PRICKLE2: variants seen among roughly 807,000 people sequenced by gnomAD.
PRICKLE2 encodes the protein prickle-like protein 2.
A neutral mutation model predicts 81.4 loss-of-function variants in PRICKLE2; 21 were observed. The observed-to-expected ratio is 0.26, with a 90% CI of 0.18 to 0.37. PRICKLE2 has a LOEUF of 0.37. Ranked by LOEUF, PRICKLE2 falls within the 10% of genes least tolerant of loss-of-function variation. The pLI, the probability that PRICKLE2 is intolerant of heterozygous loss-of-function variation, is 1.00. For synonymous variants in PRICKLE2, 456 were observed against 421.5 expected (o/e 1.08, Z -1.00); for missense variants, 940 against 1,109.0 (o/e 0.85, Z 2.16).
intron 7 of PRICKLE2, among the ~76,000 whole-genome samples, chr3:64,145,114 T>C (rs941234593): frequency 2.0e-4 from 27 of 133,380 alleles, no homozygotes; most frequent in African/African-American, 6.2e-4. Context: ...TTTTTTTTTT[T>C]CTAGAGACAG....
intron 1 of PRICKLE2, among the ~76,000 whole-genome samples, chr3:64,210,754 G>A (rs984194923): frequency 6.6e-6 from 1 of 152,112 alleles, no homozygotes; most frequent in Non-Finnish European, 1.5e-5. Context: ...AAGCCTCCTG[G>A]GTGACTTTGC....
chr3:64,201,886 C>T (rs760018738), intron 1 of PRICKLE2, among the ~76,000 whole-genome samples: 4 of 152,058 alleles, frequency 2.6e-5, no homozygotes, highest in Non-Finnish European at 5.9e-5. Context: ...ACATTTAGGT[C>T]TATGGTCCAT....
chr3:64,186,112 T>C (rs1025772405), intron 2 of PRICKLE2, among the ~76,000 whole-genome samples: 6 of 152,238 alleles, frequency 3.9e-5, no homozygotes, highest in Non-Finnish European at 8.8e-5. Flanking sequence ...AACAGTTCAT[T>C]CACTTTTATT....
At chr3:64,233,128 G>A (rs1046330346) in intron 2 of PRICKLE2, among the ~76,000 whole-genome samples, 5 of 152,090 alleles carry the variant, frequency 3.3e-5, no homozygotes, top group Admixed American at 6.5e-5. Context: ...GGCAAATCCC[G>A]TTAGCTCTAC....
intron 7 of PRICKLE2, among the ~76,000 whole-genome samples, chr3:64,106,298 A>G (rs2076754280): frequency 6.6e-6 from 1 of 152,224 alleles, no homozygotes; most frequent in Non-Finnish European, 1.5e-5. Context: ...TGCAATGGCC[A>G]GTGAACCAAA....
intron 1 of PRICKLE2, among the ~76,000 whole-genome samples, chr3:64,205,045 T>C (rs1049717671): frequency 1.1e-4 from 16 of 151,504 alleles, no homozygotes; most frequent in Non-Finnish European, 1.5e-5. Flanking sequence ...TGATTTGGCT[T>C]TTTTTTTAAA....
At chr3:64,265,620 T>C (rs704415) in intron 2 of PRICKLE2, among the ~76,000 whole-genome samples, 132,455 of 152,176 alleles carry the variant, frequency 0.87, 58,044 homozygotes, top group African/African-American at 0.91. Flanking sequence ...CTCAGTTGCC[T>C]CTTACCGTCT....
At chr3:64,120,636 G>C (rs1350855220) in intron 7 of PRICKLE2, among the ~76,000 whole-genome samples, 1 of 152,134 alleles carries the variant, frequency 6.6e-6, no homozygotes, top group Admixed American at 6.5e-5. Flanking sequence ...AGAAGATACT[G>C]GTCCACAGAC....
chr3:64,188,820 T>C (rs1480147761), intron 2 of PRICKLE2, among the ~76,000 whole-genome samples: 1 of 152,240 alleles, frequency 6.6e-6, no homozygotes, highest in Non-Finnish European at 1.5e-5. Context: ...AGTTGGGTAT[T>C]TGCCACTGAG....
At chr3:64,235,676 C>G (rs1483224484) in intron 2 of PRICKLE2, among the ~76,000 whole-genome samples, 1 of 152,098 alleles carries the variant, frequency 6.6e-6, no homozygotes, top group Non-Finnish European at 1.5e-5. Flanking sequence ...GATATCACAC[C>G]CAACAGTTAA....
Position 64,099,708 on chromosome 3 carries a change from G to A in PRICKLE2, c.1878C>T (p.Asn626=). Residue 626 remains asparagine (N), a synonymous_variant, in exon 8 of 8, where the codon AAC becomes AAT. Transcript: ENST00000638394. This position sits in a 1 kb window ranked among gnomAD's most constrained non-coding sequence, Gnocchi z 4.3. ...EMEGNLHQLS[N]PIGYRDLQSH... Reference sequence around the variant, plus strand: ...ACTGCAGGTCTCTGTAGCCAATGGGGTTGCTGAGCTGGTGGAGGTTTCCCT... The same window carrying A: ...ACTGCAGGTCTCTGTAGCCAATGGGATTGCTGAGCTGGTGGAGGTTTCCCT... 1 of 1,614,206 alleles carries A rather than the reference G, an allele frequency of 6.2e-7. No homozygotes were observed. The highest frequency in any genetic ancestry group is 1.1e-5 in the South Asian group (1 of 91,084).
At chr3:64,145,103 T>A (rs1489881436) in intron 7 of PRICKLE2, among the ~76,000 whole-genome samples, 1 of 148,260 alleles carries the variant, frequency 6.7e-6, no homozygotes, top group Non-Finnish European at 1.5e-5. Context: ...TTAAATTTTT[T>A]TTTTTTTTTT....
chr3:64,229,259 T>C (rs557674788), upstream of PRICKLE2, among the ~76,000 whole-genome samples: 1 of 152,246 alleles, frequency 6.6e-6, no homozygotes, highest in East Asian at 1.9e-4. Flanking sequence ...AAATCATCTT[T>C]CCATTCTAGC....
intron 1 of PRICKLE2, among the ~76,000 whole-genome samples, chr3:64,211,179 C>G (rs1400444088): frequency 6.6e-6 from 1 of 152,160 alleles, no homozygotes; most frequent in East Asian, 1.9e-4. Context: ...CAGGCTCAAC[C>G]AACAAGGTAG....
intron 2 of PRICKLE2, among the ~76,000 whole-genome samples, chr3:64,242,389 C>G (rs886309436): frequency 5.9e-5 from 9 of 152,168 alleles, no homozygotes; most frequent in African/African-American, 1.9e-4. Context: ...CTAATCACTT[C>G]CCAACCCCCT....
chr3:64,252,666 G>C (rs1049515208), intron 2 of PRICKLE2, among the ~76,000 whole-genome samples: 2 of 152,180 alleles, frequency 1.3e-5, no homozygotes, highest in African/African-American at 4.8e-5. Context: ...GAAGAGGCAT[G>C]GGAGTCAGGA....
intron 2 of PRICKLE2, among the ~76,000 whole-genome samples, chr3:64,188,363 GC>G (rs748387050): frequency 8.5e-5 from 13 of 152,172 alleles, no homozygotes; most frequent in Non-Finnish European, 1.5e-4. Context: ...TAGCAATGTG[GC>G]TTTTCCATTA....
chr3:64,148,203 A>T (rs1379932089), intron 6 of PRICKLE2, among the ~76,000 whole-genome samples: 1 of 152,196 alleles, frequency 6.6e-6, no homozygotes, highest in Non-Finnish European at 1.5e-5. Flanking sequence ...ATTCTCAACC[A>T]TGACATTGAC....
chr3:64,257,676 C>T (rs1360249534), intron 2 of PRICKLE2, among the ~76,000 whole-genome samples: 1 of 152,086 alleles, frequency 6.6e-6, no homozygotes, highest in Admixed American at 6.6e-5. Flanking sequence ...GATTTCAACA[C>T]ATCAAGAGAA....
Sources: allele counts gnomAD v4.1 joint callset (sites outside exome capture counted in the v4.1 genomes callset), GRCh38; gene constraint gnomAD v4.1.1; non-coding constraint Gnocchi (gnomAD v3.1); transcripts MANE v1.5; gene names NCBI Gene and HGNC (gene_info 2026-07-23, HGNC 2026-07-21).